Variants in NCKAP5 observed in about 807,000 individuals in gnomAD.
NCKAP5 encodes nck-associated protein 5.
In NCKAP5, 92 loss-of-function variants were observed where a neutral mutation model predicts 167.0. The ratio of observed to expected loss-of-function variants is 0.55; its 90% CI spans 0.47 to 0.66. The LOEUF (loss-of-function observed/expected upper bound fraction) is 0.66, where lower values mean the gene tolerates loss of function less well. NCKAP5 is among the 30% of genes least tolerant of loss of function. NCKAP5 has a pLI of 0.00. For synonymous variants in NCKAP5, 891 were observed against 877.4 expected (o/e 1.02, Z -0.27); for missense variants, 2,378 against 2,315.0 (o/e 1.03, Z -0.56).
intron 8 of NCKAP5, among the ~76,000 whole-genome samples, chr2:132,904,003 T>C (rs1393655013): frequency 6.6e-6 from 1 of 152,182 alleles, no homozygotes; most frequent in Non-Finnish European, 1.5e-5. Context: ...AAATATTTGA[T>C]AATGGCCCGG....
chr2:133,108,302 A>C (rs2081786762), intron 6 of NCKAP5, among the ~76,000 whole-genome samples: 1 of 152,188 alleles, frequency 6.6e-6, no homozygotes, highest in Non-Finnish European at 1.5e-5. Flanking sequence ...ATGCTAGAGG[A>C]CAGTATCCCC....
intron 11 of NCKAP5, among the ~76,000 whole-genome samples, chr2:132,821,149 T>C (rs902442160): frequency 6.6e-6 from 1 of 152,054 alleles, no homozygotes; most frequent in Non-Finnish European, 1.5e-5. Flanking sequence ...AATTCACAGA[T>C]CCTTTGAAAG....
chr2:132,885,470 C>A (rs1210281461), intron 8 of NCKAP5, among the ~76,000 whole-genome samples: 1 of 152,204 alleles, frequency 6.6e-6, no homozygotes, highest in Non-Finnish European at 1.5e-5. Flanking sequence ...TCTTCCACAA[C>A]AATCAAAAAC....
At chr2:133,124,863 C>T (rs2082352487) in intron 6 of NCKAP5, among the ~76,000 whole-genome samples, 3 of 152,070 alleles carry the variant, frequency 2.0e-5, no homozygotes, top group Admixed American at 2.0e-4. Flanking sequence ...GCCTGGGCAA[C>T]ATGGTAAAAC....
chr2:133,613,665 G>A, the NCKAP5 span, among the ~76,000 whole-genome samples: 1 of 152,152 alleles, frequency 6.6e-6, no homozygotes, highest in Admixed American at 6.5e-5. Flanking sequence ...GAATTTCACT[G>A]AGAAATGTCC....
intron 3 of NCKAP5, among the ~76,000 whole-genome samples, chr2:133,440,492 C>G (rs1272690933): frequency 6.6e-6 from 1 of 151,906 alleles, no homozygotes; most frequent in Non-Finnish European, 1.5e-5. Context: ...GGGTGGATCA[C>G]AGGGTCAGGA....
intron 16 of NCKAP5, among the ~76,000 whole-genome samples, chr2:132,752,114 T>C (rs1267348387): frequency 6.6e-6 from 1 of 152,176 alleles, no homozygotes; most frequent in Non-Finnish European, 1.5e-5. Context: ...AGTCATCATT[T>C]TTTGCCCATA....
At chr2:133,520,799 T>A (rs955427753) in intron 2 of NCKAP5, among the ~76,000 whole-genome samples, 6 of 152,154 alleles carry the variant, frequency 3.9e-5, no homozygotes, top group African/African-American at 1.4e-4. Context: ...TAGGCAGATA[T>A]AATATTCAAA....
rs755318249 is a variant in NCKAP5, at chr2:132,784,924, C to T, written c.1887G>A (p.Gly629=). The T allele has an allele frequency of 6.3e-7, 1 of 1,591,408 alleles. No homozygotes were observed. The highest frequency in any genetic ancestry group is 8.6e-7 in the Non-Finnish European group (1 of 1,168,752). Reference sequence around the variant, plus strand: ...CTTGTTTTTCCTCCTCTTCAGGAGACCCACATAGAGATTTTCCAAACCCCA... The same window carrying T: ...CTTGTTTTTCCTCCTCTTCAGGAGATCCACATAGAGATTTTCCAAACCCCA... ...VLVGFGKSLC[G]SPEEEEKQVP... The change falls in exon 14 of 20, where the codon GGG becomes GGA. Residue 629 remains glycine, a synonymous_variant. Coordinates refer to ENST00000409261, the MANE Select transcript of NCKAP5 (RefSeq NM_207363.3).
At chr2:133,219,707 T>A (rs2086579304) in intron 4 of NCKAP5, among the ~76,000 whole-genome samples, 1 of 152,204 alleles carries the variant, frequency 6.6e-6, no homozygotes, top group Admixed American at 6.5e-5. Flanking sequence ...GGAGTTTTTT[T>A]TTTTTAAGTA....
intron 4 of NCKAP5, among the ~76,000 whole-genome samples, chr2:133,247,144 C>T (rs1291764957): frequency 6.6e-6 from 1 of 152,174 alleles, no homozygotes; most frequent in Admixed American, 6.5e-5. Context: ...ACACCTAATA[C>T]ACACAGCCCT....
chr2:132,994,778 T>C (rs969701289), intron 6 of NCKAP5, among the ~76,000 whole-genome samples: 3 of 152,182 alleles, frequency 2.0e-5, no homozygotes, highest in African/African-American at 4.8e-5. Context: ...TTAGGTGATT[T>C]TGTCATTTTG....
chr2:133,006,633 T>C (rs1005024906), intron 6 of NCKAP5, among the ~76,000 whole-genome samples: 62 of 152,234 alleles, frequency 4.1e-4, no homozygotes, highest in African/African-American at 1.3e-3. Context: ...TTTATTTTTT[T>C]TTTGACACAT....
chr2:132,913,136 C>A (rs1574608275), intron 8 of NCKAP5, among the ~76,000 whole-genome samples: 1 of 151,832 alleles, frequency 6.6e-6, no homozygotes, highest in Admixed American at 6.6e-5. Context: ...CCCTGGTGAT[C>A]GTAGCTGAAT....
intron 5 of NCKAP5, among the ~76,000 whole-genome samples, chr2:133,144,068 T>G (rs149729156): frequency 6.6e-6 from 1 of 152,080 alleles, no homozygotes; most frequent in Non-Finnish European, 1.5e-5. Context: ...GTCTGAAAAA[T>G]AGAGAGACAG....
the NCKAP5 span, among the ~76,000 whole-genome samples, chr2:133,612,480 A>G: frequency 6.6e-6 from 1 of 152,352 alleles, no homozygotes; most frequent in East Asian, 1.9e-4. Context: ...ACTTCAATAT[A>G]TAATCAATCA....
intron 19 of NCKAP5, among the ~76,000 whole-genome samples, chr2:132,701,163 G>A (rs372493831): frequency 2.3e-4 from 35 of 152,106 alleles, no homozygotes; most frequent in Admixed American, 5.2e-4. Flanking sequence ...AGTTTAACCA[G>A]GCAGCCTATA....
chr2:133,368,594 T>C lies in NCKAP5; in HGVS notation c.70-65484A>G, dbSNP rs139598951. On this transcript the variant is annotated intron_variant, in intron 3 of 19. Coordinates refer to ENST00000409261, the MANE Select transcript of NCKAP5 (RefSeq NM_207363.3). Reference sequence around the variant, plus strand: ...TGTTAATTTGGAGAAAAACTATGCTTGGACTCAAGGCCTTTGACTCCAAGC... The same window carrying C: ...TGTTAATTTGGAGAAAAACTATGCTCGGACTCAAGGCCTTTGACTCCAAGC... Among the ~76,000 whole-genome samples the C allele has an allele frequency of 5.6e-4, 85 of 152,344 alleles. No individual in the cohort carries two copies. In the East Asian group the frequency reaches 0.012, roughly 21 times the overall value.
chr2:132,692,345 G>T (rs1424281961), intron 19 of NCKAP5, among the ~76,000 whole-genome samples: 1 of 151,826 alleles, frequency 6.6e-6, no homozygotes, highest in Non-Finnish European at 1.5e-5. Context: ...TAGAGATGGG[G>T]TTTTGCCATG....
Sources: gnomAD v4.1 joint callset for allele counts (sites outside exome capture counted in the v4.1 genomes callset) on GRCh38, gnomAD v4.1.1 for gene constraint, MANE v1.5 for transcripts, NCBI Gene and HGNC (gene_info 2026-07-23, HGNC 2026-07-21) for gene names.